TMX4: variants seen among roughly 807,000 people sequenced by gnomAD.
The protein encoded by TMX4 is thioredoxin-related transmembrane protein 4.
In TMX4, 23 loss-of-function variants were observed where a neutral mutation model predicts 33.3. The ratio of observed to expected loss-of-function variants is 0.69; its 90% CI spans 0.50 to 0.98. The LOEUF is 0.98. TMX4 is among the 50% of genes least tolerant of loss of function. The pLI, the probability that TMX4 is intolerant of heterozygous loss-of-function variation, is 0.00. For synonymous variants in TMX4, 164 were observed against 161.5 expected, an observed-to-expected ratio of 1.02 and a Z score of -0.12; for missense variants, 399 against 448.9, an observed-to-expected ratio of 0.89 and a Z score of 1.01.
intron 4 of TMX4, among the ~76,000 whole-genome samples, chr20:7,996,685 T>G (rs561007979): frequency 6.6e-6 from 1 of 152,246 alleles, no homozygotes; most frequent in East Asian, 1.9e-4. Context: ...TCCTATCCAT[T>G]TTGTCTTATT....
At position 7,978,817 on chromosome 20, in the gene TMX4, T is replaced by C. The variant is rs1349252712; in HGVS notation, c.*3434A>G. Reference sequence around the variant, plus strand: ...GTATGTTGCTTCAATATGAGATCTCTGAGCAAGCTGGGTTGGTTTAGCAGA... The same window carrying C: ...GTATGTTGCTTCAATATGAGATCTCCGAGCAAGCTGGGTTGGTTTAGCAGA... On this transcript the variant is annotated 3_prime_UTR_variant, in exon 8 of 8. Transcript: ENST00000246024. 2 of 152,198 alleles carry C rather than the reference T, an allele frequency of 1.3e-5. No homozygotes were observed. Among genetic ancestry groups the C allele is most frequent in the Non-Finnish European group, 2.9e-5 (2 of 68,036 alleles). The allele number at this position is 152,198 out of a possible 1,614,324, so 9.4% of individuals were successfully genotyped here. A position where few individuals can be genotyped will look rare whatever the true frequency, so the allele number is the denominator to read the frequency against.
At chr20:8,001,462 A>G (rs1234379920) in intron 3 of TMX4, 34 bp downstream of exon 3, 2 of 1,564,934 alleles carry the variant, frequency 1.3e-6, no homozygotes, top group South Asian at 2.3e-5. Context: ...TTGATTTCTA[A>G]TATTTGCAAG....
chr20:7,995,850 C>T (rs569949419), intron 5 of TMX4, among the ~76,000 whole-genome samples, 176 bp downstream of exon 5: 2 of 151,926 alleles, frequency 1.3e-5, no homozygotes, highest in African/African-American at 4.8e-5. Flanking sequence ...TCAGATTATG[C>T]CCTTCTACAT....
Position 7,980,279 on chromosome 20 carries a change from G to A in TMX4, c.*1972C>T, listed in dbSNP as rs1019333952. The A allele has an allele frequency of 5.9e-5, 9 of 152,164 alleles. No individual in the cohort carries two copies. Among genetic ancestry groups the A allele is most frequent in the Admixed American group, 2.0e-4 (3 of 15,280 alleles). The allele number at this position is 152,164 out of a possible 1,614,324, so 9.4% of individuals were successfully genotyped here. On this transcript the variant is annotated 3_prime_UTR_variant, in exon 8 of 8. Coordinates refer to ENST00000246024, the MANE Select transcript of TMX4 (RefSeq NM_021156.4). ...TGAGAGGGAGGAATTATATAGAAAAGCCAAACTATGAAACCATTCTTATTC... is the reference window on the plus strand; with the variant it reads ...TGAGAGGGAGGAATTATATAGAAAAACCAAACTATGAAACCATTCTTATTC...
At chr20:7,992,391 G>A (rs903223759) in intron 5 of TMX4, among the ~76,000 whole-genome samples, 2 of 152,142 alleles carry the variant, frequency 1.3e-5, no homozygotes, top group Non-Finnish European at 1.5e-5. Flanking sequence ...GCCATCATGA[G>A]TGAATTGGAA....
At chr20:8,010,797 C>G (rs543305414) in intron 1 of TMX4, among the ~76,000 whole-genome samples, 45 of 152,270 alleles carry the variant, frequency 3.0e-4, no homozygotes, top group African/African-American at 1.0e-3. Flanking sequence ...TGTGGTAATT[C>G]TGAACATTCT....
chr20:7,988,606 G>A (rs533954664), intron 5 of TMX4, among the ~76,000 whole-genome samples: 2 of 152,322 alleles, frequency 1.3e-5, no homozygotes, highest in South Asian at 2.1e-4. Context: ...AGGAAAAGAT[G>A]CATCAAATGC....
chr20:7,993,723 G>A (rs1476612186), intron 5 of TMX4, among the ~76,000 whole-genome samples: 1 of 152,000 alleles, frequency 6.6e-6, no homozygotes. Flanking sequence ...AAGAGGCTTG[G>A]GGAGGCTACA....
chr20:8,012,816 A>G (rs2050758308), intron 1 of TMX4, among the ~76,000 whole-genome samples: 1 of 152,140 alleles, frequency 6.6e-6, no homozygotes, highest in African/African-American at 2.4e-5. Flanking sequence ...CCACTGAGGT[A>G]ATTTTAGATA....
At chr20:7,983,593 A>G (rs1390592875) in intron 7 of TMX4, among the ~76,000 whole-genome samples, 1 of 152,252 alleles carries the variant, frequency 6.6e-6, no homozygotes, top group African/African-American at 2.4e-5. Context: ...GCAATTGCCA[A>G]AATGAAATAT....
chr20:7,990,109 A>C (rs1262052488), intron 5 of TMX4, among the ~76,000 whole-genome samples: 1 of 152,164 alleles, frequency 6.6e-6, no homozygotes, highest in Non-Finnish European at 1.5e-5. Flanking sequence ...AGCCTGGCCA[A>C]TATGGTGAAA....
chr20:8,013,319 C>T (rs1205907449), intron 1 of TMX4, among the ~76,000 whole-genome samples: 2 of 152,152 alleles, frequency 1.3e-5, no homozygotes, highest in African/African-American at 4.8e-5. Flanking sequence ...CCTTAAGAGC[C>T]TCCAAGAGCA....
At chr20:8,002,704 CTTTACT>C (rs2050712695) in intron 2 of TMX4, among the ~76,000 whole-genome samples, 1 of 152,150 alleles carries the variant, frequency 6.6e-6, no homozygotes, top group African/African-American at 2.4e-5. Context: ...AACACTGAAG[CTTTACT>C]TTTAATAACA....
chr20:7,999,466 C>T (rs956593462), intron 4 of TMX4, among the ~76,000 whole-genome samples: 1 of 152,130 alleles, frequency 6.6e-6, no homozygotes, highest in African/African-American at 2.4e-5. Context: ...GAAAAATAGT[C>T]ATTGTGGCTT....
In TMX4 at chr20:7,981,687, A is replaced by G. The variant is rs2050606841; in HGVS notation, c.*564T>C. Reference sequence around the variant, plus strand: ...GCTGGAAAAATTAAAGGTAAGAAATAAAACATAGCACAGGAGATTCAGAGG... The same window carrying G: ...GCTGGAAAAATTAAAGGTAAGAAATGAAACATAGCACAGGAGATTCAGAGG... On this transcript the variant is annotated 3_prime_UTR_variant, in exon 8 of 8. Coordinates refer to ENST00000246024, the MANE Select transcript of TMX4 (RefSeq NM_021156.4). The G allele has an allele frequency of 6.6e-6, 1 of 152,602 alleles. No homozygotes were observed. Among genetic ancestry groups the G allele is most frequent in the Non-Finnish European group, 1.5e-5 (1 of 68,360 alleles). 9.5% of individuals were successfully genotyped at this position (152,602 alleles called of 1,614,324 possible). A position where few individuals can be genotyped will look rare whatever the true frequency, so the allele number is the denominator to read the frequency against.
chr20:7,983,126 G>A (rs772880563), intron 7 of TMX4, among the ~76,000 whole-genome samples: 1 of 152,188 alleles, frequency 6.6e-6, no homozygotes, highest in Non-Finnish European at 1.5e-5. Flanking sequence ...AAGCTAGAAT[G>A]TCCCTGGGCT....
chr20:8,002,785 G>A (rs778304092), intron 2 of TMX4, among the ~76,000 whole-genome samples: 126 of 152,256 alleles, frequency 8.3e-4, no homozygotes, highest in Non-Finnish European at 1.1e-3. Flanking sequence ...AGTAACAAAT[G>A]ATGCGTCTTC....
chr20:8,010,347 A>G, intron 1 of TMX4, 32 bp from the exon 2 acceptor site: 1 of 1,418,080 alleles, frequency 7.1e-7, no homozygotes, highest in South Asian at 1.4e-5. Flanking sequence ...TATATTGATA[A>G]ATATACAGAA....
In TMX4 at chr20:7,982,622, C is replaced by G; in HGVS notation, c.680-1G>C. 6.2e-7 allele frequency: 1 copy of G among 1,606,566 alleles called. No individual in the cohort carries two copies. Among genetic ancestry groups the G allele is most frequent in the Non-Finnish European group, 8.5e-7 (1 of 1,177,424 alleles). ...GCCTCCTCTGATCTCCGATTCTGCTCTATGGAGGGAAGAAAGAGGAATATC... is the reference window on the plus strand; with the variant it reads ...GCCTCCTCTGATCTCCGATTCTGCTGTATGGAGGGAAGAAAGAGGAATATC... On this transcript the variant is annotated splice_acceptor_variant, in intron 7 of 7. Transcript: ENST00000246024. LOFTEE classifies it high-confidence loss of function.
Sources: gnomAD v4.1 joint callset for allele counts (sites outside exome capture counted in the v4.1 genomes callset) on GRCh38, gnomAD v4.1.1 for gene constraint, MANE v1.5 for transcripts, NCBI Gene and HGNC (gene_info 2026-07-23, HGNC 2026-07-21) for gene names.